The following NARS1 variants were observed in gnomAD, a reference collection of about 807,000 sequenced individuals.
The protein encoded by NARS1 is asparaginyl-tRNA synthetase 1.
Under a neutral mutation model 79.2 loss-of-function variants are expected in NARS1, and 65 were observed. The observed-to-expected ratio is 0.82, with a 90% CI of 0.67 to 1.01. NARS1 has a LOEUF of 1.01. Among genes scored for constraint, NARS1 ranks in the 50% least tolerant of loss-of-function variants. The probability of loss-of-function intolerance (pLI) is 0.00; values close to 1 mark genes in which losing one functional copy is unlikely to be tolerated. For missense variants in NARS1, 649 were observed against 673.8 expected (o/e 0.96, Z 0.41); for synonymous variants, 229 against 238.8 (o/e 0.96, Z 0.38).
chr18:57,608,552 C>CATATATCT (rs2051581001), intron 7 of NARS1, among the ~76,000 whole-genome samples: 1 of 150,910 alleles, frequency 6.6e-6, no homozygotes, highest in Admixed American at 6.6e-5. Context: ...AAAAGTAATT[C>CATATATCT]ATATATCTAC....
Position 57,607,466 on chromosome 18 carries a change from A to C in NARS1, c.779T>G (p.Phe260Cys). The change falls in exon 8 of 14, where the codon TTC (phenylalanine) becomes TGC (cysteine). Residue 260 changes from phenylalanine (F) to cysteine (C), a missense_variant. Phe to Cys is a radical substitution (Grantham distance 205, BLOSUM62 -2). Coordinates refer to ENST00000256854, the MANE Select transcript of NARS1 (RefSeq NM_004539.4). ...SMVTRCFRDH[F>C]FDRGYYEVTP... ...TACTTCATAGTACCCCCTATCAAAG[A>C]AGTGATCTCTAAAGCACCTGGTGAC... The C allele has an allele frequency of 6.2e-7, 1 of 1,614,160 alleles. No individual in the cohort carries two copies. The highest frequency in any genetic ancestry group is 1.3e-5 in the African/African-American group (1 of 75,048).
chr18:57,611,580 TAAAGG>T, intron 6 of NARS1, 52 bp downstream of exon 6: 1 of 1,157,324 alleles, frequency 8.6e-7, no homozygotes, highest in East Asian at 2.6e-5. Context: ...TACAAAACAA[TAAAGG>T]AATCTACTGA....
chr18:57,608,437 C>CAAAAAAAAAAAAAAAAAAAAAAAA (rs1175712420), intron 7 of NARS1, among the ~76,000 whole-genome samples: 1 of 78,276 alleles, frequency 1.3e-5, no homozygotes, highest in Non-Finnish European at 2.2e-5. Context: ...AACTCCGTCT[C>CAAAAAAAAAAAAAAAAAAAAAAAA]AAAAAAAAAA....
chr18:57,605,864 A>T lies in NARS1; in HGVS notation c.1244T>A (p.Phe415Tyr). Residue 415 changes from phenylalanine (F) to tyrosine (Y), a missense_variant, in exon 11 of 14, where the codon TTT (phenylalanine) becomes TAT (tyrosine). Transcript: ENST00000256854. ...AGAGAAAGGGATACATACTTCTCCA[A>T]ATTCATAGAAAGTTCCATCTTCTTT... ...VKKEDGTFYE[F>Y]GEDIPEAPER... is the part of the protein sequence containing the mutation. 1 of 1,598,036 alleles carries T rather than the reference A, an allele frequency of 6.3e-7. No individual in the cohort carries two copies. The highest frequency in any genetic ancestry group is 8.6e-7 in the Non-Finnish European group (1 of 1,167,478).
chr18:57,615,757 T>A (rs1907995430), intron 3 of NARS1, 27 bp from the exon 4 acceptor site: 3 of 1,610,574 alleles, frequency 1.9e-6, no homozygotes, highest in Non-Finnish European at 2.5e-6. Flanking sequence ...AGCAGTTTGT[T>A]AACATGGTTG....
At chr18:57,618,159 G>A (rs1181733708) in intron 2 of NARS1, among the ~76,000 whole-genome samples, 1 of 151,142 alleles carries the variant, frequency 6.6e-6, no homozygotes, top group Non-Finnish European at 1.5e-5. Context: ...ATGGTGGCGA[G>A]TGCCTATAAT....
At chr18:57,609,535 T>C (rs2051588355) in intron 6 of NARS1, 92 bp from the exon 7 acceptor site, 3 of 961,312 alleles carry the variant, frequency 3.1e-6, no homozygotes, top group Non-Finnish European at 4.8e-6. Flanking sequence ...ACAAACAAGT[T>C]ATCTGATCAA....
At chr18:57,607,077 A>G (rs1354645192) in intron 9 of NARS1, 57 bp downstream of exon 9, 17 of 1,492,488 alleles carry the variant, frequency 1.1e-5, no homozygotes, top group Middle Eastern at 1.8e-4. Context: ...CTACACTAAG[A>G]TTTCTTCTCT....
At chr18:57,609,610 AAGAC>A (rs1244475230) in intron 6 of NARS1, among the ~76,000 whole-genome samples, 167 bp from the exon 7 acceptor site, 1 of 152,228 alleles carries the variant, frequency 6.6e-6, no homozygotes, top group African/African-American at 2.4e-5. Context: ...ATTTTTGTGG[AAGAC>A]AGAGGTTTAT....
intron 13 of NARS1, 24 bp downstream of exon 13, chr18:57,602,331 G>A (rs753143117): frequency 4.4e-6 from 7 of 1,603,944 alleles, no homozygotes; most frequent in East Asian, 4.5e-5. Flanking sequence ...AAAAAATGTT[G>A]AGTACTTAAA....
At position 57,601,775 on chromosome 18, in the gene NARS1, G is replaced by GT. The variant is rs1568161734; in HGVS notation, c.1523dup (p.Tyr508Ter). 6.2e-7 allele frequency: 1 copy of GT among 1,612,642 alleles called. No homozygotes were observed. Among genetic ancestry groups the GT allele is most frequent in the Middle Eastern group, 1.7e-4 (1 of 6,058 alleles). Residue 508 changes from tyrosine (Y) to a stop codon, truncating the protein, a stop_gained and frameshift_variant, in exon 14 of 14, where the codon TAC (tyrosine) becomes TAAC (stop). Transcript: ENST00000256854. LOFTEE classifies it high-confidence loss of function. Reference protein sequence around the residue: ...PYYWYTDQRKYGTCPHGGYGL... With the variant: ...PYYWYTDQRK The stretch of plus-strand genomic sequence containing the variant: ...CATATCCTCCATGGGGACATGTACC[G>GT]TATTTTCTCTGTTTAAAAAAAGAAA...
intron 6 of NARS1, among the ~76,000 whole-genome samples, chr18:57,610,701 GT>G (rs550492553): frequency 1.7e-3 from 248 of 149,704 alleles, no homozygotes; most frequent in African/African-American, 5.5e-3. Context: ...ATCCACCAGG[GT>G]TTTCCCAAGA....
At chr18:57,619,576 G>A (rs752920327) in intron 2 of NARS1, among the ~76,000 whole-genome samples, 1 of 152,036 alleles carries the variant, frequency 6.6e-6, no homozygotes, top group African/African-American at 2.4e-5. Context: ...GGCAGTTATA[G>A]CCAATGGATT....
intron 7 of NARS1, 128 bp downstream of exon 7, chr18:57,609,229 A>T (rs1430169801): frequency 2.9e-6 from 2 of 691,592 alleles, no homozygotes; most frequent in East Asian, 5.3e-5. Flanking sequence ...TCACATATAC[A>T]TCTATCCTAC....
At position 57,615,687 on chromosome 18, in the gene NARS1, T is replaced by C; in HGVS notation, c.296A>G (p.Lys99Arg). The change falls in exon 4 of 14, where the codon AAG (lysine) becomes AGG (arginine). Residue 99 changes from lysine to arginine, a missense_variant. Physicochemically the swap from Lys to Arg is conservative, Grantham distance 26. Transcript: ENST00000256854. ...TGGATCATTTTTAATGGTAATCTTC[T>C]TTGCTTCTTCCAGGTTCTTTTCTCT... Reference protein sequence around the residue: ...LRREKNLEEAKKITIKNDPSL... With the variant: ...LRREKNLEEARKITIKNDPSL... 6.2e-7 allele frequency: 1 copy of C among 1,613,260 alleles called. No homozygotes were observed. Among genetic ancestry groups the C allele is most frequent in the Non-Finnish European group, 8.5e-7 (1 of 1,179,730 alleles).
intron 13 of NARS1, among the ~76,000 whole-genome samples, 188 bp from the exon 14 acceptor site, chr18:57,601,971 A>G (rs1366478052): frequency 6.6e-6 from 1 of 152,172 alleles, no homozygotes; most frequent in East Asian, 1.9e-4. Context: ...AACCATGCAT[A>G]AAGAAATAAT....
chr18:57,608,364 G>C (rs1004182927), intron 7 of NARS1, among the ~76,000 whole-genome samples: 1 of 148,230 alleles, frequency 6.7e-6, no homozygotes, highest in South Asian at 2.1e-4. Context: ...TTGAACCTGG[G>C]AGGCAGAGGT....
Position 57,602,892 on chromosome 18 carries a change from T to C in NARS1, c.1303A>G (p.Ile435Val), listed in dbSNP as rs200556552. Residue 435 changes from isoleucine to valine, a missense_variant, in exon 12 of 14, where the codon ATC becomes GTC. Physicochemically the swap from Ile to Val is conservative, Grantham distance 29. Transcript: ENST00000256854. ...TCCACAGGAAATCGACACAGCAAGA[T>C]TGGTTCATTAATGGTGTCTGTCATC... ...RLMTDTINEP[I>V]LLCRFPVEIK... The C allele has an allele frequency of 1.7e-5, 27 of 1,614,120 alleles. No homozygotes were observed. Among genetic ancestry groups the C allele is most frequent in the African/African-American group, 6.7e-5 (5 of 75,042 alleles).
At chr18:57,614,771 T>C (rs1368617679) in intron 4 of NARS1, among the ~76,000 whole-genome samples, 4 of 152,252 alleles carry the variant, frequency 2.6e-5, no homozygotes, top group African/African-American at 9.6e-5. Flanking sequence ...TCTGCTGGCA[T>C]TCAGTTGGGA....
Sources: gnomAD v4.1 joint callset for allele counts (sites outside exome capture counted in the v4.1 genomes callset) on GRCh38, gnomAD v4.1.1 for gene constraint, MANE v1.5 for transcripts, NCBI Gene and HGNC (gene_info 2026-07-23, HGNC 2026-07-21) for gene names.